The following GPATCH2 variants were observed in gnomAD, a reference collection of about 807,000 sequenced individuals.
The protein encoded by GPATCH2 is G-patch domain containing 2.
Under a neutral mutation model 58.0 loss-of-function variants are expected in GPATCH2, and 51 were observed. That is an observed-to-expected ratio of 0.88 (90% CI 0.70 to 1.11). The LOEUF (loss-of-function observed/expected upper bound fraction) is 1.11. GPATCH2 is among the 50% of genes most tolerant of loss of function. GPATCH2 has a pLI of 0.00. For synonymous variants in GPATCH2, 222 were observed against 218.5 expected (o/e 1.02, Z -0.14); for missense variants, 625 against 652.2 (o/e 0.96, Z 0.45).
At chr1:217,481,672 C>A (rs1661217775) in intron 8 of GPATCH2, among the ~76,000 whole-genome samples, 1 of 152,034 alleles carries the variant, frequency 6.6e-6, no homozygotes, top group African/African-American at 2.4e-5. Context: ...AGCCTGAGCA[C>A]ATAGTGAGAC....
intron 8 of GPATCH2, among the ~76,000 whole-genome samples, chr1:217,462,613 T>C (rs1193082684): frequency 6.6e-6 from 1 of 152,180 alleles, no homozygotes; most frequent in Non-Finnish European, 1.5e-5. Flanking sequence ...AATAAGAATA[T>C]CTACCTCATA....
chr1:217,621,756 C>G (rs1018479606), intron 1 of GPATCH2, among the ~76,000 whole-genome samples: 1 of 152,200 alleles, frequency 6.6e-6, no homozygotes, highest in South Asian at 2.1e-4. Context: ...CAGCTTTCAA[C>G]TTTTGTCGTT....
chr1:217,574,671 T>C (rs1474632324), intron 5 of GPATCH2, among the ~76,000 whole-genome samples: 1 of 152,232 alleles, frequency 6.6e-6, no homozygotes, highest in Non-Finnish European at 1.5e-5. Flanking sequence ...ATTAAACCTC[T>C]CTTCTCCCAT....
At chr1:217,433,510 C>T (rs1658655457) in intron 9 of GPATCH2, among the ~76,000 whole-genome samples, 1 of 151,674 alleles carries the variant, frequency 6.6e-6, no homozygotes, top group South Asian at 2.1e-4. Context: ...GATTCTTATG[C>T]CTCAGCCTCC....
At chr1:217,442,739 T>C (rs371253396) in intron 9 of GPATCH2, among the ~76,000 whole-genome samples, 16 of 152,178 alleles carry the variant, frequency 1.1e-4, no homozygotes, top group African/African-American at 3.6e-4. Context: ...ACCTTATATT[T>C]AGTTGTATTT....
intron 6 of GPATCH2, 69 bp from the exon 7 acceptor site, chr1:217,498,464 C>T (rs551969197): frequency 7.4e-5 from 85 of 1,145,252 alleles, no homozygotes; most frequent in Middle Eastern, 1.9e-4. Context: ...ATGATCGAGC[C>T]GCATGTGCTT....
chr1:217,548,355 A>G (rs994963123), intron 5 of GPATCH2, among the ~76,000 whole-genome samples: 3 of 152,190 alleles, frequency 2.0e-5, no homozygotes, highest in African/African-American at 7.2e-5. Context: ...GACAATATTC[A>G]TGACACAAGT....
At chr1:217,470,156 T>G (rs1571758227) in intron 8 of GPATCH2, among the ~76,000 whole-genome samples, 1 of 152,124 alleles carries the variant, frequency 6.6e-6, no homozygotes, top group African/African-American at 2.4e-5. Context: ...CAGGACCAAT[T>G]TGGAGAGTGC....
chr1:217,542,441 C>A (rs893570980), intron 5 of GPATCH2, among the ~76,000 whole-genome samples: 2 of 152,152 alleles, frequency 1.3e-5, no homozygotes, highest in Non-Finnish European at 2.9e-5. Context: ...TAGAACAGTT[C>A]TGAAACTACT....
At chr1:217,519,951 C>G (rs1663366186) in intron 5 of GPATCH2, among the ~76,000 whole-genome samples, 1 of 152,130 alleles carries the variant, frequency 6.6e-6, no homozygotes, top group Non-Finnish European at 1.5e-5. Flanking sequence ...AGTTATAGAA[C>G]TCCTCTAATT....
chr1:217,489,924 CA>C (rs1661639159), intron 8 of GPATCH2, among the ~76,000 whole-genome samples: 1 of 152,164 alleles, frequency 6.6e-6, no homozygotes, highest in Admixed American at 6.5e-5. Context: ...AAAAGTCCTA[CA>C]AATTACATTA....
At chr1:217,564,491 C>T (rs546578824) in intron 5 of GPATCH2, among the ~76,000 whole-genome samples, 1 of 151,920 alleles carries the variant, frequency 6.6e-6, no homozygotes, top group South Asian at 2.1e-4. Flanking sequence ...TAGTTTTCTC[C>T]GGCACGGCAA....
chr1:217,627,225 C>T (rs1024558754), intron 1 of GPATCH2, among the ~76,000 whole-genome samples: 2 of 151,844 alleles, frequency 1.3e-5, no homozygotes, highest in African/African-American at 4.8e-5. Context: ...CGACCTCTAC[C>T]CACAAATAAG....
At chr1:217,492,928 T>C (rs41304087) in intron 7 of GPATCH2, among the ~76,000 whole-genome samples, 15,815 of 152,216 alleles carry the variant, frequency 0.1, 1,666 homozygotes, top group African/African-American at 0.27. Flanking sequence ...TTTGAACTGT[T>C]CAATTACATC....
chr1:217,507,933 A>C (rs1394063786), intron 6 of GPATCH2, among the ~76,000 whole-genome samples: 1 of 152,140 alleles, frequency 6.6e-6, no homozygotes, highest in Non-Finnish European at 1.5e-5. Context: ...AAAATACTAA[A>C]AACAGTGGTG....
chr1:217,611,122 C>T lies in GPATCH2; in HGVS notation c.836-51G>A, dbSNP rs1448009523. ...CCACCAAAGACTCAGTTTTATCATC[C>T]AGTTACACAATTAGTCTTGTCAGGT... On this transcript the variant is annotated intron_variant, in intron 3 of 9. Coordinates refer to ENST00000366935, the MANE Select transcript of GPATCH2 (RefSeq NM_018040.5). 1.4e-5 allele frequency: 21 copies of T among 1,502,736 alleles called. No homozygotes were observed. In the East Asian group the frequency reaches 4.7e-4, roughly 34 times the overall value. The allele number at this position is 1,502,736 out of a possible 1,614,324, so 93.1% of individuals were successfully genotyped here.
chr1:217,465,582 T>C (rs1660408502), intron 8 of GPATCH2, among the ~76,000 whole-genome samples: 1 of 151,958 alleles, frequency 6.6e-6, no homozygotes, highest in Non-Finnish European at 1.5e-5. Flanking sequence ...ATAAGTCTCA[T>C]GAGATCTGAT....
chr1:217,462,864 C>T (rs1011692340), intron 8 of GPATCH2, among the ~76,000 whole-genome samples: 3 of 152,170 alleles, frequency 2.0e-5, no homozygotes, highest in Admixed American at 6.5e-5. Flanking sequence ...TCAATTCCTG[C>T]TCCCTTACTT....
At chr1:217,454,451 T>C (rs549024767) in intron 8 of GPATCH2, among the ~76,000 whole-genome samples, 163 of 151,506 alleles carry the variant, frequency 1.1e-3, no homozygotes, top group South Asian at 2.3e-3. Flanking sequence ...TAGCCGGGCG[T>C]GGTGGTGGGC....
Sources: allele counts gnomAD v4.1 joint callset (sites outside exome capture counted in the v4.1 genomes callset), GRCh38; gene constraint gnomAD v4.1.1; transcripts MANE v1.5; gene names NCBI Gene and HGNC (gene_info 2026-07-23, HGNC 2026-07-21).